The following WDR70 variants were observed in gnomAD, a reference collection of about 807,000 sequenced individuals.
WDR70 encodes the protein WD repeat-containing protein 70.
Under a neutral mutation model 88.6 loss-of-function variants are expected in WDR70, and 53 were observed. The observed-to-expected ratio is 0.60, with a 90% CI of 0.48 to 0.75. The LOEUF (loss-of-function observed/expected upper bound fraction) is 0.75, where lower values mean the gene tolerates loss of function less well. Among genes scored for constraint, WDR70 ranks in the 30% least tolerant of loss-of-function variants. The pLI, the probability that WDR70 is intolerant of heterozygous loss-of-function variation, is 0.00. For synonymous variants in WDR70, 280 were observed against 270.0 expected (o/e 1.04, Z -0.36); for missense variants, 610 against 823.2 (o/e 0.74, Z 3.17).
intron 17 of WDR70, among the ~76,000 whole-genome samples, chr5:37,749,120 GGCATATAAATCATCCT>G (rs1748722896): frequency 6.6e-6 from 1 of 152,130 alleles, no homozygotes; most frequent in Non-Finnish European, 1.5e-5. Flanking sequence ...TATACCCAAA[GGCATATAAATCATCCT>G]GCTCTAAAGA....
At chr5:37,400,973 G>C (rs1749171740) in intron 5 of WDR70, among the ~76,000 whole-genome samples, 1 of 152,062 alleles carries the variant, frequency 6.6e-6, no homozygotes, top group Admixed American at 6.6e-5. Flanking sequence ...TGGAGGATGT[G>C]TAATTTGGTA....
At chr5:37,410,206 T>C (rs1749482672) in intron 5 of WDR70, among the ~76,000 whole-genome samples, 1 of 149,524 alleles carries the variant, frequency 6.7e-6, no homozygotes, top group Non-Finnish European at 1.5e-5. Context: ...TTTTTTTTTT[T>C]TTTTTTTTCT....
At chr5:37,540,023 C>T (rs668889) in intron 9 of WDR70, among the ~76,000 whole-genome samples, 112,328 of 152,074 alleles carry the variant, frequency 0.74, 42,085 homozygotes, top group African/African-American at 0.87. Flanking sequence ...GAAAAATGAA[C>T]AGTAGTAACA....
At chr5:37,641,580 C>G (rs1745104921) in intron 10 of WDR70, among the ~76,000 whole-genome samples, 2 of 151,992 alleles carry the variant, frequency 1.3e-5, no homozygotes, top group Non-Finnish European at 2.9e-5. Context: ...CTACGCCCTG[C>G]TAATTTTTGT....
intron 5 of WDR70, among the ~76,000 whole-genome samples, chr5:37,424,565 C>T (rs910201453): frequency 6.6e-5 from 10 of 151,606 alleles, no homozygotes; most frequent in Admixed American, 3.3e-4. Context: ...CCACCATGCC[C>T]GGCTAATTTT....
intron 7 of WDR70, among the ~76,000 whole-genome samples, chr5:37,444,896 T>C (rs1361827715): frequency 6.6e-6 from 1 of 152,148 alleles, no homozygotes; most frequent in Middle Eastern, 3.2e-3. Flanking sequence ...ATCCCTCACA[T>C]GCGCATTTCA....
At chr5:37,588,916 C>T (rs971447730) in intron 9 of WDR70, among the ~76,000 whole-genome samples, 1 of 151,932 alleles carries the variant, frequency 6.6e-6, no homozygotes, top group Admixed American at 6.6e-5. Flanking sequence ...AGGCGCTGGC[C>T]ACCATGTTCG....
chr5:37,431,496 G>A (rs1371234901), intron 5 of WDR70, among the ~76,000 whole-genome samples: 1 of 151,798 alleles, frequency 6.6e-6, no homozygotes, highest in Admixed American at 6.6e-5. Flanking sequence ...CCTTATACTG[G>A]TAATTTCCTA....
chr5:37,412,699 A>G (rs1749563245), intron 5 of WDR70, among the ~76,000 whole-genome samples: 1 of 152,130 alleles, frequency 6.6e-6, no homozygotes, highest in Non-Finnish European at 1.5e-5. Context: ...AGTTTGGGCC[A>G]CCACTGTGTT....
In WDR70 at chr5:37,423,497, A is replaced by G. The variant is rs72738705; in HGVS notation, c.493-14425A>G. Among the ~76,000 whole-genome samples, 1,147 of 151,472 alleles carry G rather than the reference A, an allele frequency of 7.6e-3. 5 individuals carry two copies. The highest frequency in any genetic ancestry group is 0.013 in the Non-Finnish European group (860 of 67,874). On this transcript the variant is annotated intron_variant, in intron 5 of 17. Coordinates refer to ENST00000265107, the MANE Select transcript of WDR70 (RefSeq NM_018034.4). The stretch of plus-strand genomic sequence containing the variant: ...TAATCATTGCTTTTTTAAAATCATG[A>G]CAGAATTATAAATTGAAACACTGAT...
chr5:37,703,019 A>C lies in WDR70; in HGVS notation c.1348A>C (p.Ser450Arg), dbSNP rs1387420854. 1.2e-6 allele frequency: 2 copies of C among 1,613,878 alleles called. No individual in the cohort carries two copies. Among genetic ancestry groups the C allele is most frequent in the East Asian group, 4.5e-5 (2 of 44,884 alleles). The change falls in exon 13 of 18, where the codon AGC becomes CGC. Residue 450 changes from serine to arginine, a missense_variant. By Grantham distance (110) the Ser-to-Arg change is moderately radical. This residue lies in a region of WDR70 where 254 missense variants were observed against 300.7 expected (regional missense o/e 0.84). Transcript: ENST00000265107. ...TGTSIQRGCG[S>R]GKLVFFERRT... ...TACATCTATTCAAAGAGGATGTGGCAGCGGCAAACTTGTTTTCTTTGAGCG... is the reference window on the plus strand; with the variant it reads ...TACATCTATTCAAAGAGGATGTGGCCGCGGCAAACTTGTTTTCTTTGAGCG...
intron 9 of WDR70, among the ~76,000 whole-genome samples, chr5:37,525,559 C>T (rs1741240059): frequency 6.6e-6 from 1 of 152,064 alleles, no homozygotes; most frequent in Admixed American, 6.6e-5. Context: ...CCTAACATTA[C>T]AATTAAAAGA....
At chr5:37,515,304 A>G (rs1740852828) in intron 8 of WDR70, among the ~76,000 whole-genome samples, 1 of 152,230 alleles carries the variant, frequency 6.6e-6, no homozygotes, top group Non-Finnish European at 1.5e-5. Flanking sequence ...CTACTAGGAA[A>G]GAAACTGATT....
chr5:37,726,368 C>A (rs547202910), intron 16 of WDR70, among the ~76,000 whole-genome samples: 1 of 152,198 alleles, frequency 6.6e-6, no homozygotes, highest in East Asian at 1.9e-4. Context: ...TAGTGGGGAA[C>A]AAATCCCTGC....
rs1747381158 is a variant in WDR70 at position 37,707,933 on chromosome 5, AAAAAAAAAAAAAAAAATATATATATATAT to A, written c.1416+4848_1416+4876del. Among the ~76,000 whole-genome samples, 5 of 29,704 alleles carry A rather than the reference AAAAAAAAAAAAAAAAATATATATATATAT, an allele frequency of 1.7e-4. 1 individual carries two copies. Among genetic ancestry groups the A allele is most frequent in the South Asian group, 1.4e-3 (1 of 706 alleles). 19.5% of individuals were successfully genotyped at this position (29,704 alleles called of 152,430 possible). Reference sequence around the variant, plus strand: ...TGTCTCAAAAAAAGAAAAAAAAAAAAAAAAAAAAAAAAAAAATATATATATATATATATATATATATATATATATATATA... The same window carrying A: ...TGTCTCAAAAAAAGAAAAAAAAAAAAATATATATATATATATATATATATA... On this transcript the variant is annotated intron_variant, in intron 13 of 17. Transcript: ENST00000265107.
At chr5:37,671,910 A>G (rs1359979790) in intron 10 of WDR70, among the ~76,000 whole-genome samples, 1 of 152,186 alleles carries the variant, frequency 6.6e-6, no homozygotes, top group Non-Finnish European at 1.5e-5. Context: ...AGGGAAAAAG[A>G]GATCAGACTG....
intron 10 of WDR70, among the ~76,000 whole-genome samples, chr5:37,659,875 A>T (rs1275444583): frequency 6.6e-6 from 1 of 152,210 alleles, no homozygotes; most frequent in Non-Finnish European, 1.5e-5. Context: ...CTCCAATGCT[A>T]AAACATTGGG....
At chr5:37,641,323 C>T (rs920310840) in intron 10 of WDR70, among the ~76,000 whole-genome samples, 2 of 151,002 alleles carry the variant, frequency 1.3e-5, no homozygotes, top group African/African-American at 4.9e-5. Context: ...CGAGGCTGGT[C>T]TTGAACTCCT....
At chr5:37,739,882 CAG>C (rs1748423824) in intron 17 of WDR70, among the ~76,000 whole-genome samples, 1 of 152,060 alleles carries the variant, frequency 6.6e-6, no homozygotes. Context: ...TTCTTAACAT[CAG>C]TGTACAAATT....
Sources: gnomAD v4.1 joint callset for allele counts (sites outside exome capture counted in the v4.1 genomes callset) on GRCh38, gnomAD v4.1.1 for gene constraint, gnomAD v4.1.1 regional missense constraint, MANE v1.5 for transcripts, NCBI Gene and HGNC (gene_info 2026-07-23, HGNC 2026-07-21) for gene names.